Variants in PRKG2 observed in about 807,000 individuals in gnomAD.
The protein encoded by PRKG2 is cGMP-dependent protein kinase 2.
A neutral mutation model predicts 97.2 loss-of-function variants in PRKG2; 33 were observed. The ratio of observed to expected loss-of-function variants is 0.34; its 90% CI spans 0.26 to 0.45. PRKG2 has a LOEUF of 0.45. PRKG2 is among the 20% of genes least tolerant of loss of function. The probability of loss-of-function intolerance (pLI) is 1.00; values close to 1 mark genes in which losing one functional copy is unlikely to be tolerated. For synonymous variants in PRKG2, 330 were observed against 321.8 expected (o/e 1.03, Z -0.27); for missense variants, 638 against 900.0 (o/e 0.71, Z 3.73).
intron 6 of PRKG2, among the ~76,000 whole-genome samples, chr4:81,161,514 G>A (rs577909248): frequency 5.9e-5 from 9 of 152,254 alleles, no homozygotes; most frequent in East Asian, 1.9e-4. Flanking sequence ...TGGAGCTCAA[G>A]GTATCAATAG....
chr4:81,198,308 GAGAAA>G (rs113715721), intron 2 of PRKG2, among the ~76,000 whole-genome samples: 25,061 of 152,034 alleles, frequency 0.16, 2,404 homozygotes, highest in African/African-American at 0.24. Flanking sequence ...TTGGCTCCTA[GAGAAA>G]AGAAAAGACA....
intron 1 of PRKG2, among the ~76,000 whole-genome samples, chr4:81,206,732 ATACT>A (rs1753694647): frequency 1.3e-5 from 2 of 152,192 alleles, no homozygotes; most frequent in South Asian, 2.1e-4. Context: ...TAGAAGTGAA[ATACT>A]TAGAGTTTTT....
At chr4:81,199,002 T>C (rs1046852283) in intron 2 of PRKG2, among the ~76,000 whole-genome samples, 3 of 152,200 alleles carry the variant, frequency 2.0e-5, no homozygotes, top group Non-Finnish European at 4.4e-5. Context: ...TTCCATGCCT[T>C]ATCCTATATA....
intron 12 of PRKG2, 124 bp from the exon 13 acceptor site, chr4:81,137,606 C>T (rs1033924603): frequency 2.8e-6 from 2 of 719,558 alleles, no homozygotes; most frequent in African/African-American, 3.6e-5. Flanking sequence ...AAATACCCCA[C>T]AACTACACTG....
At chr4:81,152,727 A>C (rs899737546) in intron 7 of PRKG2, among the ~76,000 whole-genome samples, 7 of 152,248 alleles carry the variant, frequency 4.6e-5, no homozygotes, top group Non-Finnish European at 8.8e-5. Flanking sequence ...ACAATGAATT[A>C]AAATTTTAAA....
intron 10 of PRKG2, among the ~76,000 whole-genome samples, chr4:81,143,442 T>C (rs1747499108): frequency 6.6e-6 from 1 of 152,246 alleles, no homozygotes. Context: ...AAGCTTTGCA[T>C]GGCTGAACCA....
At chr4:81,155,536 C>A (rs1341643490) in intron 6 of PRKG2, among the ~76,000 whole-genome samples, 1 of 152,066 alleles carries the variant, frequency 6.6e-6, no homozygotes, top group Non-Finnish European at 1.5e-5. Flanking sequence ...CTTCCCCAAT[C>A]TAGCAAGGCA....
At chr4:81,176,392 C>T (rs775136179) in intron 2 of PRKG2, among the ~76,000 whole-genome samples, 3 of 151,946 alleles carry the variant, frequency 2.0e-5, no homozygotes, top group Admixed American at 6.6e-5. Flanking sequence ...TCAGATTATT[C>T]TTGCTAAAAA....
chr4:81,111,108 A>G (rs932606718), intron 14 of PRKG2, among the ~76,000 whole-genome samples: 3 of 152,076 alleles, frequency 2.0e-5, no homozygotes, highest in African/African-American at 7.2e-5. Context: ...AATGCTGAGA[A>G]GGGGGGCTTA....
At chr4:81,197,875 C>A (rs1753059214) in intron 2 of PRKG2, among the ~76,000 whole-genome samples, 1 of 152,096 alleles carries the variant, frequency 6.6e-6, no homozygotes, top group African/African-American at 2.4e-5. Flanking sequence ...ATTCAATATT[C>A]AATAAATATT....
In PRKG2 at chr4:81,182,459, C is replaced by T. The variant is rs185109801; in HGVS notation, c.462-7500G>A. Among the ~76,000 whole-genome samples the T allele has an allele frequency of 3.9e-3, 599 of 151,920 alleles. 5 individuals are homozygous for T. Among genetic ancestry groups the T allele is most frequent in the African/African-American group, 0.013 (549 of 41,514 alleles). ...AAAACAAAAACACATCATATTATATCGTGAAACATTGAAAGCTTTCCTACA... is the reference window on the plus strand; with the variant it reads ...AAAACAAAAACACATCATATTATATTGTGAAACATTGAAAGCTTTCCTACA... On this transcript the variant is annotated intron_variant, in intron 2 of 18. Transcript: ENST00000264399.
chr4:81,183,359 G>A (rs1302605211), intron 2 of PRKG2, among the ~76,000 whole-genome samples: 1 of 152,022 alleles, frequency 6.6e-6, no homozygotes, highest in African/African-American at 2.4e-5. Context: ...AGCAGGGTGA[G>A]GCATCGCCTC....
chr4:81,188,253 C>G (rs1255945727), intron 2 of PRKG2, among the ~76,000 whole-genome samples: 1 of 151,004 alleles, frequency 6.6e-6, no homozygotes, highest in Non-Finnish European at 1.5e-5. Flanking sequence ...ATTTATGCAG[C>G]CAAAAAACAC....
chr4:81,141,373 A>C (rs1018940004), intron 11 of PRKG2, among the ~76,000 whole-genome samples: 1 of 152,144 alleles, frequency 6.6e-6, no homozygotes, highest in Non-Finnish European at 1.5e-5. Context: ...ATGTAAATTT[A>C]AATTAAATAA....
chr4:81,158,993 A>G (rs1749366103), intron 6 of PRKG2, among the ~76,000 whole-genome samples: 1 of 151,656 alleles, frequency 6.6e-6, no homozygotes, highest in African/African-American at 2.4e-5. Flanking sequence ...GTTAGACCTA[A>G]AACCATAAAA....
chr4:81,103,986 G>A (rs984624817), intron 17 of PRKG2, among the ~76,000 whole-genome samples: 16 of 152,126 alleles, frequency 1.1e-4, no homozygotes, highest in Admixed American at 3.9e-4. Context: ...AGCCAAGATC[G>A]TGGCATTGCA....
intron 6 of PRKG2, among the ~76,000 whole-genome samples, chr4:81,156,571 C>A (rs1749118737): frequency 6.6e-6 from 1 of 152,116 alleles, no homozygotes; most frequent in African/African-American, 2.4e-5. Flanking sequence ...AGCTCTGCAC[C>A]AAGCTGACCT....
intron 2 of PRKG2, among the ~76,000 whole-genome samples, chr4:81,181,191 T>G (rs1578481444): frequency 6.6e-6 from 1 of 152,242 alleles, no homozygotes; most frequent in African/African-American, 2.4e-5. Context: ...CAGAGTATAT[T>G]CTTTAAATAT....
chr4:81,097,896 T>C (rs1023273546), intron 17 of PRKG2, among the ~76,000 whole-genome samples: 1 of 152,186 alleles, frequency 6.6e-6, no homozygotes, highest in African/African-American at 2.4e-5. Flanking sequence ...TTGTGTCTGG[T>C]TTGATCTCTG....
Sources: gnomAD v4.1 joint callset for allele counts (sites outside exome capture counted in the v4.1 genomes callset) on GRCh38, gnomAD v4.1.1 for gene constraint, MANE v1.5 for transcripts, NCBI Gene and HGNC (gene_info 2026-07-23, HGNC 2026-07-21) for gene names.